Variants in MARCHF2 observed in about 807,000 individuals in gnomAD.
MARCHF2 encodes membrane associated ring-CH-type finger 2.
A neutral mutation model predicts 24.0 loss-of-function variants in MARCHF2; 22 were observed. The ratio of observed to expected loss-of-function variants is 0.92; its 90% CI spans 0.66 to 1.31. The LOEUF (loss-of-function observed/expected upper bound fraction) is 1.31, where lower values mean the gene tolerates loss of function less well. Ranked by LOEUF, MARCHF2 falls within the 50% of genes most tolerant of loss-of-function variation. The pLI is 0.00. For synonymous variants in MARCHF2, 154 were observed against 153.0 expected, an observed-to-expected ratio of 1.01 and a Z score of -0.05; for missense variants, 301 against 335.3, an observed-to-expected ratio of 0.90 and a Z score of 0.80.
intron 2 of MARCHF2, among the ~76,000 whole-genome samples, chr19:8,422,400 C>CTTT (rs375362572): frequency 6.7e-6 from 1 of 149,112 alleles, no homozygotes; most frequent in Non-Finnish European, 1.5e-5. Flanking sequence ...CTGTATCTCT[C>CTTT]TTTTTTTTTT....
At chr19:8,437,779 C>T (rs1487979384) in intron 4 of MARCHF2, among the ~76,000 whole-genome samples, 1 of 151,270 alleles carries the variant, frequency 6.6e-6, no homozygotes, top group Non-Finnish European at 1.5e-5. Flanking sequence ...GGGTCTCACT[C>T]TGTCGCCCAG....
intron 4 of MARCHF2, among the ~76,000 whole-genome samples, chr19:8,434,352 G>A (rs1967659039): frequency 6.6e-6 from 1 of 151,974 alleles, no homozygotes; most frequent in Non-Finnish European, 1.5e-5. Flanking sequence ...CCAAAGTGCT[G>A]AGATTACAGG....
chr19:8,435,020 AT>A (rs199880511), intron 4 of MARCHF2, among the ~76,000 whole-genome samples: 309 of 130,864 alleles, frequency 2.4e-3, no homozygotes, highest in Middle Eastern at 3.9e-3. Context: ...TTATTTTTTA[AT>A]TTTTTTTTTT....
At chr19:8,429,367 C>T (rs1323496616) in intron 3 of MARCHF2, among the ~76,000 whole-genome samples, 1 of 151,768 alleles carries the variant, frequency 6.6e-6, no homozygotes, top group Non-Finnish European at 1.5e-5. Context: ...CCTGTAATCC[C>T]AGCACTTTGG....
chr19:8,424,252 A>G (rs918831086), intron 2 of MARCHF2, among the ~76,000 whole-genome samples: 1 of 151,900 alleles, frequency 6.6e-6, no homozygotes, highest in Non-Finnish European at 1.5e-5. Context: ...TTTTATTTCT[A>G]TTTCCCCCTC....
chr19:8,436,889 C>T (rs1967740359), intron 4 of MARCHF2, among the ~76,000 whole-genome samples: 1 of 151,876 alleles, frequency 6.6e-6, no homozygotes, highest in African/African-American at 2.4e-5. Flanking sequence ...GGGATTTCTC[C>T]ATGTTGGTCA....
chr19:8,417,954 G>T (rs1054722838), intron 1 of MARCHF2, among the ~76,000 whole-genome samples: 1 of 148,938 alleles, frequency 6.7e-6, no homozygotes. Flanking sequence ...TAGTAGACAC[G>T]GGGTTTCTCC....
At chr19:8,428,356 A>G (rs1051232042) in intron 3 of MARCHF2, among the ~76,000 whole-genome samples, 5 of 150,138 alleles carry the variant, frequency 3.3e-5, no homozygotes, top group African/African-American at 7.3e-5. Context: ...AGGGAGGCTG[A>G]GGCAGGAGAA....
chr19:8,431,237 G>T (rs1967574278), intron 4 of MARCHF2, among the ~76,000 whole-genome samples: 2 of 152,092 alleles, frequency 1.3e-5, no homozygotes, highest in South Asian at 2.1e-4. Context: ...GGTGGCTCAC[G>T]CCTGTAATCC....
At chr19:8,422,050 GT>G (rs1332728591) in intron 2 of MARCHF2, 34 bp downstream of exon 2, 30 of 1,572,824 alleles carry the variant, frequency 1.9e-5, no homozygotes, top group African/African-American at 2.7e-5. Flanking sequence ...CCTGGCCTTT[GT>G]TGCCTCTTCT....
intron 1 of MARCHF2, among the ~76,000 whole-genome samples, chr19:8,417,403 C>T (rs1353108399): frequency 1.3e-5 from 2 of 152,290 alleles, no homozygotes; most frequent in African/African-American, 4.8e-5. Flanking sequence ...GAGATCACAC[C>T]ACTGCATTTC....
At chr19:8,426,858 G>T (rs1216817029) in intron 3 of MARCHF2, 54 bp downstream of exon 3, 8 of 1,545,590 alleles carry the variant, frequency 5.2e-6, no homozygotes, top group Non-Finnish European at 7.1e-6. Context: ...GCAGACATGG[G>T]GGCCAAAGGC....
rs561216214 is a variant in MARCHF2, at chr19:8,434,375, C to T, written c.582+3508C>T. ...CTGAGATTACAGGCATGAACCATCG[C>T]GCCCTGCCCCTACCAGCATATTTTA... On this transcript the variant is annotated intron_variant, in intron 4 of 4. Transcript: ENST00000215555. Among the ~76,000 whole-genome samples the T allele has an allele frequency of 5.3e-5, 8 of 151,918 alleles. No individual in the cohort carries two copies. The East Asian group carries it at 7.7e-4, about 15-fold the overall frequency.
chr19:8,428,881 GC>G (rs1967495643), intron 3 of MARCHF2, among the ~76,000 whole-genome samples: 1 of 151,978 alleles, frequency 6.6e-6, no homozygotes, highest in Non-Finnish European at 1.5e-5. Context: ...GTTGCAGTGA[GC>G]CAAGATTGCA....
rs565368005 is a variant in MARCHF2 at position 8,433,171 on chromosome 19, T to C, written c.582+2304T>C. 6.5e-4 allele frequency among the ~76,000 whole-genome samples: 98 copies of C among 151,574 alleles called. 1 individual carries two copies. The highest frequency in any genetic ancestry group is 2.3e-3 in the African/African-American group (95 of 41,324). ...AGGCAGAGGTTGCAGTGAGCCGAGA[T>C]TGCACCACTGAACTTCAGCCTGGGT... On this transcript the variant is annotated intron_variant, in intron 4 of 4. Transcript: ENST00000215555.
rs1449646263 is a variant in MARCHF2 at position 8,417,950 on chromosome 19, ACACGGGGTTTCTCCATGTGGTCAGG to A, written c.-52-3837_-52-3813del. Among the ~76,000 whole-genome samples the A allele has an allele frequency of 3.5e-5, 5 of 143,038 alleles. No individual in the cohort carries two copies. The East Asian group carries it at 1.0e-3, about 30-fold the overall frequency. The allele number at this position is 143,038 out of a possible 152,430, so 93.8% of individuals were successfully genotyped here. A position where few individuals can be genotyped will look rare whatever the true frequency, so the allele number is the denominator to read the frequency against. On this transcript the variant is annotated intron_variant, in intron 1 of 4. Transcript: ENST00000215555. ...GCTAATTTTTTTGTATTTTTAGTAG[ACACGGGGTTTCTCCATGTGGTCAGG>A]CTCGTCTTGAACTCCTGACCTCAGG...
At chr19:8,420,690 C>T (rs1247555064) in intron 1 of MARCHF2, among the ~76,000 whole-genome samples, 1 of 152,082 alleles carries the variant, frequency 6.6e-6, no homozygotes, top group Non-Finnish European at 1.5e-5. Context: ...CACTCTGTGG[C>T]ATAGGCAGGA....
intron 4 of MARCHF2, among the ~76,000 whole-genome samples, chr19:8,435,966 C>T (rs931301109): frequency 2.0e-5 from 3 of 151,926 alleles, no homozygotes; most frequent in Non-Finnish European, 4.4e-5. Flanking sequence ...TCAATTGATC[C>T]TCCCACCTCA....
Position 8,415,739 on chromosome 19 carries a change from A to AC in MARCHF2, c.-53+2319_-53+2320insC, listed in dbSNP as rs1194492165. Among the ~76,000 whole-genome samples the AC allele has an allele frequency of 2.1e-4, 20 of 96,838 alleles. 1 individual carries two copies. Among genetic ancestry groups the AC allele is most frequent in the African/African-American group, 7.1e-4 (18 of 25,176 alleles). 63.5% of individuals were successfully genotyped at this position (96,838 alleles called of 152,430 possible). A position where few individuals can be genotyped will look rare whatever the true frequency, so the allele number is the denominator to read the frequency against. On this transcript the variant is annotated intron_variant, in intron 1 of 4. Coordinates refer to ENST00000215555, the MANE Select transcript of MARCHF2 (RefSeq NM_001005415.2). Reference sequence around the variant, plus strand: ...TCCATCTCAAAAAAAAAAAAACAAAAAAAACAAAAAAAAAAACCAGACAAA... The same window carrying AC: ...TCCATCTCAAAAAAAAAAAAACAAAACAAAACAAAAAAAAAAACCAGACAAA...
Sources: gnomAD v4.1 joint callset for allele counts (sites outside exome capture counted in the v4.1 genomes callset) on GRCh38, gnomAD v4.1.1 for gene constraint, MANE v1.5 for transcripts, NCBI Gene and HGNC (gene_info 2026-07-23, HGNC 2026-07-21) for gene names.